The following COL21A1 variants were observed in gnomAD, a reference collection of about 807,000 sequenced individuals.
COL21A1 encodes collagen type XXI alpha 1 chain.
COL21A1 carries 149 observed loss-of-function variants against 137.9 expected under a neutral mutation model. That is an observed-to-expected ratio of 1.08 (90% CI 0.95 to 1.24). The LOEUF is 1.24. Ranked by LOEUF, COL21A1 falls within the 50% of genes most tolerant of loss-of-function variation. The pLI is 0.00. For synonymous variants in COL21A1, 456 were observed against 391.5 expected (o/e 1.16, Z -1.95); for missense variants, 1,167 against 1,158.4 (o/e 1.01, Z -0.11).
chr6:56,155,947 G>A (rs538557369), intron 10 of COL21A1, among the ~76,000 whole-genome samples: 1 of 152,240 alleles, frequency 6.6e-6, no homozygotes, highest in Non-Finnish European at 1.5e-5. Flanking sequence ...TGCTGATAGT[G>A]ACTTAACTGT....
At chr6:56,242,676 T>C (rs1314251199) in intron 1 of COL21A1, among the ~76,000 whole-genome samples, 2 of 152,158 alleles carry the variant, frequency 1.3e-5, no homozygotes, top group African/African-American at 4.8e-5. Context: ...AAAACCAAAA[T>C]GTCCAAGAAA....
chr6:56,208,642 T>C (rs139979525), intron 1 of COL21A1, among the ~76,000 whole-genome samples: 9 of 152,258 alleles, frequency 5.9e-5, no homozygotes, highest in East Asian at 3.9e-4. Context: ...CAAGCTACCA[T>C]TGAGTTTCTT....
At chr6:56,222,099 C>T (rs1167044619) in intron 1 of COL21A1, among the ~76,000 whole-genome samples, 1 of 151,802 alleles carries the variant, frequency 6.6e-6, no homozygotes, top group Admixed American at 6.6e-5. Context: ...ATGGTGAAAC[C>T]CCATCTCTAC....
At chr6:56,247,056 A>T (rs1006733991) in intron 1 of COL21A1, among the ~76,000 whole-genome samples, 1 of 152,208 alleles carries the variant, frequency 6.6e-6, no homozygotes, top group African/African-American at 2.4e-5. Context: ...CCTTCCAAGA[A>T]GCTAAAAGCT....
At chr6:56,207,428 A>C (rs771256443) in intron 1 of COL21A1, among the ~76,000 whole-genome samples, 24 of 152,192 alleles carry the variant, frequency 1.6e-4, no homozygotes, top group Non-Finnish European at 3.2e-4. Flanking sequence ...ATAAACTAGA[A>C]AGTGTAGAAT....
chr6:56,379,659 A>G (rs1246979664), intron 1 of COL21A1, among the ~76,000 whole-genome samples: 2 of 152,194 alleles, frequency 1.3e-5, no homozygotes, highest in East Asian at 3.8e-4. Flanking sequence ...GGGTAGGGAA[A>G]AGAGTACTCT....
intron 1 of COL21A1, among the ~76,000 whole-genome samples, chr6:56,258,063 T>A (rs1763158412): frequency 6.6e-6 from 1 of 152,102 alleles, no homozygotes; most frequent in Non-Finnish European, 1.5e-5. Flanking sequence ...TACATCTTAT[T>A]TTATGATAAA....
chr6:56,133,882 C>A (rs1773769775), intron 12 of COL21A1, among the ~76,000 whole-genome samples: 1 of 152,234 alleles, frequency 6.6e-6, no homozygotes, highest in African/African-American at 2.4e-5. Flanking sequence ...GTTTGGGAAC[C>A]TCCACCTAGA....
At chr6:56,358,207 G>A (rs1765881042) in intron 1 of COL21A1, among the ~76,000 whole-genome samples, 1 of 152,100 alleles carries the variant, frequency 6.6e-6, no homozygotes, top group Non-Finnish European at 1.5e-5. Flanking sequence ...AAGGCCAAGT[G>A]CAGTGGCTCA....
At chr6:56,259,928 A>T (rs1441639233) in intron 1 of COL21A1, among the ~76,000 whole-genome samples, 2 of 152,232 alleles carry the variant, frequency 1.3e-5, no homozygotes, top group Admixed American at 1.3e-4. Flanking sequence ...CTATGCTGTA[A>T]TATGATATCC....
chr6:56,385,890 A>G (rs2152352832), intron 1 of COL21A1, among the ~76,000 whole-genome samples: 1 of 149,708 alleles, frequency 6.7e-6, no homozygotes, highest in East Asian at 1.9e-4. Context: ...AGCATGTGTC[A>G]GTACTTCATT....
chr6:56,266,484 G>A lies in COL21A1; in HGVS notation c.-38-83828C>T, dbSNP rs539490643. 6.6e-5 allele frequency among the ~76,000 whole-genome samples: 10 copies of A among 152,276 alleles called. No homozygotes were observed. In the East Asian group the frequency reaches 1.2e-3, roughly 18 times the overall value. On this transcript the variant is annotated intron_variant, in intron 1 of 28. Coordinates refer to the COL21A1 transcript ENST00000370819. ...GGTAGTTGTGACAGAGACTGCATGG[G>A]AACAGAGACTGTATGAGCAACAAAG...
intron 1 of COL21A1, among the ~76,000 whole-genome samples, chr6:56,309,889 T>C (rs1764568540): frequency 6.6e-6 from 1 of 152,150 alleles, no homozygotes; most frequent in Admixed American, 6.5e-5. Flanking sequence ...AAAGGACAGA[T>C]CGATGCAGGG....
chr6:56,167,472 A>G (rs1776683187), intron 6 of COL21A1, among the ~76,000 whole-genome samples: 1 of 152,226 alleles, frequency 6.6e-6, no homozygotes, highest in African/African-American at 2.4e-5. Context: ...ATGTAGCATT[A>G]ATTCATAGAG....
intron 1 of COL21A1, among the ~76,000 whole-genome samples, chr6:56,274,032 C>A (rs1481429366): frequency 6.6e-6 from 1 of 152,026 alleles, no homozygotes; most frequent in Non-Finnish European, 1.5e-5. Flanking sequence ...GATAATACAC[C>A]ACAAACAAGT....
At chr6:56,274,762 A>C (rs928250360) in intron 1 of COL21A1, among the ~76,000 whole-genome samples, 2 of 152,178 alleles carry the variant, frequency 1.3e-5, no homozygotes, top group Non-Finnish European at 2.9e-5. Context: ...CCTATGGATT[A>C]AAAAATCAGT....
intron 1 of COL21A1, among the ~76,000 whole-genome samples, chr6:56,261,921 A>T (rs1323064775): frequency 6.6e-6 from 1 of 152,190 alleles, no homozygotes; most frequent in Non-Finnish European, 1.5e-5. Context: ...TACCTGCCTC[A>T]GCTCTGAAGT....
chr6:56,224,628 T>C (rs1275907777), intron 1 of COL21A1, among the ~76,000 whole-genome samples: 1 of 152,010 alleles, frequency 6.6e-6, no homozygotes, highest in East Asian at 1.9e-4. Context: ...CAAAAAAGGA[T>C]TGGGTTTCTA....
In COL21A1 at chr6:56,156,991, G is replaced by A. The variant is rs749728934; in HGVS notation, c.1372-42C>T. 3 of 1,402,212 alleles carry A rather than the reference G, an allele frequency of 2.1e-6. No homozygotes were observed. In the Admixed American group the frequency reaches 5.3e-5, roughly 25 times the overall value. The allele number at this position is 1,402,212 out of a possible 1,614,324, so 86.9% of individuals were successfully genotyped here. ...CAAACTTTTGAGTACAAAACAACCAGCCACATTGGTGCAGTCAGGATCAAT... is the reference window on the plus strand; with the variant it reads ...CAAACTTTTGAGTACAAAACAACCAACCACATTGGTGCAGTCAGGATCAAT... On this transcript the variant is annotated intron_variant, in intron 9 of 29. Transcript: ENST00000244728.
Sources: gnomAD v4.1 joint callset for allele counts (sites outside exome capture counted in the v4.1 genomes callset) on GRCh38, gnomAD v4.1.1 for gene constraint, MANE v1.5 for transcripts, NCBI Gene and HGNC (gene_info 2026-07-23, HGNC 2026-07-21) for gene names.